TXNDC8: variants seen among roughly 807,000 people sequenced by gnomAD.
TXNDC8 encodes the protein thioredoxin domain containing 8.
Under a neutral mutation model 12.9 loss-of-function variants are expected in TXNDC8, and 15 were observed. The ratio of observed to expected loss-of-function variants is 1.16; its 90% CI spans 0.78 to 1.79. The LOEUF (loss-of-function observed/expected upper bound fraction) is 1.79. TXNDC8 is among the 40% of genes most tolerant of loss of function. TXNDC8 has a pLI of 0.00. For synonymous variants in TXNDC8, 40 were observed against 35.4 expected (o/e 1.13, Z -0.46); for missense variants, 128 against 113.2 (o/e 1.13, Z -0.59).
At chr9:110,330,107 G>A (rs914108558) in intron 2 of TXNDC8, among the ~76,000 whole-genome samples, 1 of 152,202 alleles carries the variant, frequency 6.6e-6, no homozygotes, top group Admixed American at 6.5e-5. Context: ...TCAGACAGCT[G>A]TGTTCATACC....
intron 3 of TXNDC8, among the ~76,000 whole-genome samples, 161 bp downstream of exon 4, chr9:110,326,014 G>A (rs1839303383): frequency 6.6e-6 from 1 of 152,146 alleles, no homozygotes; most frequent in Non-Finnish European, 1.5e-5. Flanking sequence ...ATGTAAAGTT[G>A]TTGTATGTAA....
At chr9:110,335,283 C>T (rs1367343397) in intron 1 of TXNDC8, among the ~76,000 whole-genome samples, 2 of 152,048 alleles carry the variant, frequency 1.3e-5, no homozygotes, top group Non-Finnish European at 2.9e-5. Context: ...TTCATCCAGG[C>T]TGGGGTGTAG....
At chr9:110,302,189 CAG>C (rs1167856254), downstream of TXNDC8, among the ~76,000 whole-genome samples, 1 of 151,596 alleles carries the variant, frequency 6.6e-6, no homozygotes, top group Non-Finnish European at 1.5e-5. Context: ...TTTATAGAGA[CAG>C]AGTCTAGCTA....
chr9:110,318,508 AGGTGG>A (rs1181830356), intron 3 of TXNDC8, among the ~76,000 whole-genome samples: 2 of 152,158 alleles, frequency 1.3e-5, no homozygotes, highest in Non-Finnish European at 2.9e-5. Flanking sequence ...AGGCCGAGGC[AGGTGG>A]ATCACGAGGT....
intron 2 of TXNDC8, among the ~76,000 whole-genome samples, chr9:110,328,183 A>G (rs972408151): frequency 2.0e-5 from 3 of 152,258 alleles, no homozygotes; most frequent in Non-Finnish European, 4.4e-5. Flanking sequence ...AATGGTAGAT[A>G]TCACTTTTTT....
At chr9:110,317,013 T>C (rs563063084) in intron 3 of TXNDC8, among the ~76,000 whole-genome samples, 3 of 152,366 alleles carry the variant, frequency 2.0e-5, no homozygotes, top group South Asian at 2.1e-4. Context: ...CCGACTCTTA[T>C]TCTGTGCCAT....
rs1554702024 is a variant in TXNDC8 at position 110,311,521 on chromosome 9, G to GTGTATA, written c.196-6990_196-6989insTATACA. Among the ~76,000 whole-genome samples, 21 of 41,246 alleles carry GTGTATA rather than the reference G, an allele frequency of 5.1e-4. 1 individual carries two copies. The highest frequency in any genetic ancestry group is 0.031 in the Middle Eastern group (1 of 32). The allele number at this position is 41,246 out of a possible 152,430, so 27.1% of individuals were successfully genotyped here. A position where few individuals can be genotyped will look rare whatever the true frequency, so the allele number is the denominator to read the frequency against. ...TAAAGAAAGTTACAAAAATAAAGAGGTATATATATATATATATATATATAT... is the reference window on the plus strand; with the variant it reads ...TAAAGAAAGTTACAAAAATAAAGAGGTGTATATATATATATATATATATATATATAT... On this transcript the variant is annotated intron_variant, in intron 3 of 4. Coordinates refer to ENST00000423740, the MANE Select transcript of TXNDC8 (RefSeq NM_001286946.2).
At chr9:110,336,780 TAGGA>T (rs533267069) in intron 1 of TXNDC8, among the ~76,000 whole-genome samples, 83 of 151,806 alleles carry the variant, frequency 5.5e-4, no homozygotes, top group Admixed American at 1.5e-3. Context: ...GAAAATGAAG[TAGGA>T]AGGAAGAATG....
intron 1 of TXNDC8, 82 bp downstream of exon 1, chr9:110,337,691 A>G (rs1839811561): frequency 7.7e-7 from 1 of 1,303,408 alleles, no homozygotes; most frequent in Admixed American, 1.7e-5. Context: ...CTGGATAGAG[A>G]GAACACATTC....
chr9:110,325,809 G>A (rs544281541), intron 3 of TXNDC8, among the ~76,000 whole-genome samples: 9 of 152,268 alleles, frequency 5.9e-5, no homozygotes, highest in South Asian at 2.1e-4. Flanking sequence ...GTGAGCCACC[G>A]CGCCCGGCCT....
At chr9:110,326,940 GCACACACACACACACACA>G (rs377527245) in intron 2 of TXNDC8, among the ~76,000 whole-genome samples, 17 of 143,028 alleles carry the variant, frequency 1.2e-4, no homozygotes, top group African/African-American at 4.2e-4. Flanking sequence ...TGCTACTCAT[GCACACACACACACACACA>G]CACACACACA....
At chr9:110,302,503 A>G (rs1462263721), downstream of TXNDC8, among the ~76,000 whole-genome samples, 2 of 152,224 alleles carry the variant, frequency 1.3e-5, no homozygotes, top group East Asian at 1.9e-4. Context: ...ATTAATGCCT[A>G]GGAAAGCCAG....
intron 3 of TXNDC8, among the ~76,000 whole-genome samples, chr9:110,310,735 T>A (rs1381899836): frequency 6.6e-6 from 1 of 152,210 alleles, no homozygotes; most frequent in African/African-American, 2.4e-5. Context: ...ATATTAGAAA[T>A]GTCTTAAGAA....
intron 2 of TXNDC8, among the ~76,000 whole-genome samples, chr9:110,333,029 T>A (rs1415769744): frequency 6.6e-6 from 1 of 152,212 alleles, no homozygotes; most frequent in Non-Finnish European, 1.5e-5. Context: ...ATGTAAAATA[T>A]AGTCAACTTA....
In TXNDC8 at chr9:110,322,452, A is replaced by G. The variant is rs949939972; in HGVS notation, c.195+3723T>C. The stretch of plus-strand genomic sequence containing the variant: ...AATTCAAAAGAGATACATATCCATT[A>G]GAGACCAGTTAGATATAATTGTTTA... On this transcript the variant is annotated intron_variant, in intron 3 of 4. Transcript: ENST00000423740. 11 of 985,330 alleles carry G rather than the reference A, an allele frequency of 1.1e-5. No homozygotes were observed. In the African/African-American group the frequency reaches 1.7e-4, roughly 16 times the overall value. 61.0% of individuals were successfully genotyped at this position (985,330 alleles called of 1,614,324 possible).
intron 3 of TXNDC8, 78 bp downstream of exon 4, chr9:110,326,097 A>G: frequency 6.9e-7 from 1 of 1,442,452 alleles, no homozygotes; most frequent in Non-Finnish European, 9.7e-7. Context: ...TCATCCACCC[A>G]GGACAGCCAG....
intron 3 of TXNDC8, among the ~76,000 whole-genome samples, chr9:110,316,068 T>G (rs1838876733): frequency 6.6e-6 from 1 of 151,396 alleles, no homozygotes; most frequent in Non-Finnish European, 1.5e-5. Context: ...CGGCTAATTT[T>G]TTTTTTTTGT....
At chr9:110,334,435 G>T in intron 1 of TXNDC8, 115 bp from the exon 2 acceptor site, 1 of 830,666 alleles carries the variant, frequency 1.2e-6, no homozygotes, top group South Asian at 1.6e-5. Context: ...TTAAAGCCAG[G>T]TTATCACTAT....
Position 110,314,428 on chromosome 9 carries a change from TTTCTTTTTTC to T in TXNDC8, c.196-9906_196-9897del, listed in dbSNP as rs1160549478. ...TTTTTTTTCTTTTTTTCTTTTTCTTTTTCTTTTTTCTTTTTTTTTTTTGAGATGGAGTCTC... is the reference window on the plus strand; with the variant it reads ...TTTTTTTTCTTTTTTTCTTTTTCTTTTTTTTTTTTTTTGAGATGGAGTCTC... On this transcript the variant is annotated intron_variant, in intron 3 of 4. Coordinates refer to ENST00000423740, the MANE Select transcript of TXNDC8 (RefSeq NM_001286946.2). Among the ~76,000 whole-genome samples, 10 of 140,208 alleles carry T rather than the reference TTTCTTTTTTC, an allele frequency of 7.1e-5. 2 individuals are homozygous for T. The highest frequency in any genetic ancestry group is 7.7e-5 in the Non-Finnish European group (5 of 64,938). 92.0% of individuals were successfully genotyped at this position (140,208 alleles called of 152,430 possible).
Sources: allele counts gnomAD v4.1 joint callset (sites outside exome capture counted in the v4.1 genomes callset), GRCh38; gene constraint gnomAD v4.1.1; transcripts MANE v1.5; gene names NCBI Gene and HGNC (gene_info 2026-07-23, HGNC 2026-07-21).